Variants in GUSB observed in about 807,000 individuals in gnomAD.
GUSB encodes the protein glucuronidase beta.
A neutral mutation model predicts 74.6 loss-of-function variants in GUSB; 51 were observed. The ratio of observed to expected loss-of-function variants is 0.68; its 90% CI spans 0.55 to 0.86. The LOEUF is 0.86. Among genes scored for constraint, GUSB ranks in the 40% least tolerant of loss-of-function variants. GUSB has a pLI of 0.00. For synonymous variants in GUSB, 360 were observed against 348.3 expected (o/e 1.03, Z -0.37); for missense variants, 736 against 853.7 (o/e 0.86, Z 1.72).
Position 65,964,427 on chromosome 7 carries a change from T to A in GUSB, c.1685A>T (p.Gln562Leu). The change falls in exon 11 of 12, where the codon CAG becomes CTG. Residue 562 changes from glutamine (Q) to leucine (L), a missense_variant. Physicochemically the swap from Gln to Leu is moderately radical, Grantham distance 113. This residue lies in a region of GUSB where 368 missense variants were observed against 489.9 expected (regional missense o/e 0.75). Coordinates refer to ENST00000304895, the MANE Select transcript of GUSB (RefSeq NM_000181.4). ...DPPLMFTEEY[Q>L]KSLLEQYHLG... ...ATGGTACTGCTCTAGCAGACTTTTC[T>A]GGTACTCTTCAGTGAACATCAGAGG... The A allele has an allele frequency of 1.2e-6, 2 of 1,611,352 alleles. No individual in the cohort carries two copies. The highest frequency in any genetic ancestry group is 8.5e-7 in the Non-Finnish European group (1 of 1,179,204).
At chr7:65,966,084 C>T (rs1386466856) in intron 10 of GUSB, among the ~76,000 whole-genome samples, 1 of 151,856 alleles carries the variant, frequency 6.6e-6, no homozygotes, top group Non-Finnish European at 1.5e-5. Flanking sequence ...GCATGAGAAT[C>T]GCTTGAACCA....
intron 9 of GUSB, among the ~76,000 whole-genome samples, chr7:65,969,539 G>T (rs904909033): frequency 6.6e-6 from 1 of 151,796 alleles, no homozygotes; most frequent in Non-Finnish European, 1.5e-5. Context: ...TCTACAAAAA[G>T]ATATAAAATT....
At chr7:65,972,170 G>GT in intron 8 of GUSB, among the ~76,000 whole-genome samples, 1 of 151,890 alleles carries the variant, frequency 6.6e-6, no homozygotes, top group African/African-American at 2.4e-5. Context: ...TTTTGTTTTT[G>GT]TTTTTTTGAG....
chr7:65,976,280 C>T (rs899212988), intron 4 of GUSB, 78 bp from the exon 5 acceptor site: 16 of 951,152 alleles, frequency 1.7e-5, no homozygotes, highest in East Asian at 7.2e-5. Context: ...CTGCAGCCAC[C>T]GCTGCCAGGC....
At chr7:65,964,538 A>G in intron 10 of GUSB, 80 bp from the exon 11 acceptor site, 1 of 1,330,884 alleles carries the variant, frequency 7.5e-7, no homozygotes. Flanking sequence ...GATCCACTTG[A>G]TGGTGACCAA....
chr7:65,975,893 G>A, intron 5 of GUSB, 122 bp downstream of exon 5: 1 of 721,534 alleles, frequency 1.4e-6, no homozygotes, highest in South Asian at 1.8e-5. Flanking sequence ...CCAAGGGTGA[G>A]AAACATCAGA....
At chr7:65,961,937 G>C (rs898137428) in intron 11 of GUSB, among the ~76,000 whole-genome samples, 2 of 151,990 alleles carry the variant, frequency 1.3e-5, no homozygotes, top group Middle Eastern at 3.4e-3. Flanking sequence ...AGGACGCAGA[G>C]GTTGCAGTGA....
chr7:65,982,186 T>C lies in GUSB; in HGVS notation c.-3A>G. The C allele has an allele frequency of 2.0e-6, 3 of 1,506,862 alleles. No homozygotes were observed. The highest frequency in any genetic ancestry group is 2.7e-6 in the Non-Finnish European group (3 of 1,127,638). 93.3% of individuals were successfully genotyped at this position (1,506,862 alleles called of 1,614,324 possible). A position where few individuals can be genotyped will look rare whatever the true frequency, so the allele number is the denominator to read the frequency against. ...GCAACCGCCGACCCCCGGGCCATGC[T>C]TCCCGGTCCCCCGCTCGGCCACCGT... On this transcript the variant is annotated 5_prime_UTR_variant, in exon 1 of 12. Coordinates refer to ENST00000304895, the MANE Select transcript of GUSB (RefSeq NM_000181.4).
rs759880257 is a variant in GUSB, at chr7:65,967,823, G to C, written c.1561C>G (p.Leu521Val). 2 of 1,610,356 alleles carry C rather than the reference G, an allele frequency of 1.2e-6. No individual in the cohort carries two copies. The highest frequency in any genetic ancestry group is 1.7e-6 in the Non-Finnish European group (2 of 1,178,678). The change falls in exon 10 of 12, where the codon CTG becomes GTG. Residue 521 changes from leucine to valine, a missense_variant. This residue lies in a region of GUSB where 368 missense variants were observed against 489.9 expected (regional missense o/e 0.75). Coordinates refer to ENST00000304895, the MANE Select transcript of GUSB (RefSeq NM_000181.4). Reference sequence around the variant, plus strand: ...TACCAGTTCTCAAACTGGGTGGCCAGCTGCAGCTGAATCAACTCCAGGTGC... The same window carrying C: ...TACCAGTTCTCAAACTGGGTGGCCACCTGCAGCTGAATCAACTCCAGGTGC... ...YGHLELIQLQ[L>V]ATQFENWYKK... is the part of the protein sequence containing the mutation.
At position 65,982,203 on chromosome 7, in the gene GUSB, G is replaced by T. The variant is rs577269089; in HGVS notation, c.-20C>A. 8 of 1,493,324 alleles carry T rather than the reference G, an allele frequency of 5.4e-6. No individual in the cohort carries two copies. Among genetic ancestry groups the T allele is most frequent in the South Asian group, 2.5e-5 (2 of 80,500 alleles). 92.5% of individuals were successfully genotyped at this position (1,493,324 alleles called of 1,614,324 possible). A position where few individuals can be genotyped will look rare whatever the true frequency, so the allele number is the denominator to read the frequency against. On this transcript the variant is annotated 5_prime_UTR_variant, in exon 1 of 12. Coordinates refer to ENST00000304895, the MANE Select transcript of GUSB (RefSeq NM_000181.4). ...GGCCATGCTTCCCGGTCCCCCGCTC[G>T]GCCACCGTCTGCGGCGCTAAGAAAA... is the stretch of plus-strand genomic sequence containing the variant.
intron 11 of GUSB, 72 bp downstream of exon 11, chr7:65,964,250 TG>T (rs1790683029): frequency 4.0e-6 from 5 of 1,259,426 alleles, no homozygotes; most frequent in South Asian, 1.2e-5. Context: ...ACAATTGAAA[TG>T]GCCAGAATTG....
chr7:65,966,897 C>T (rs1228839675), intron 10 of GUSB, among the ~76,000 whole-genome samples: 4 of 152,106 alleles, frequency 2.6e-5, no homozygotes, highest in African/African-American at 7.2e-5. Flanking sequence ...GCCTGGACAA[C>T]ATAGCAAGAC....
chr7:65,964,566 G>T (rs1354081911), intron 10 of GUSB, 108 bp from the exon 11 acceptor site: 17 of 976,816 alleles, frequency 1.7e-5, no homozygotes, highest in Non-Finnish European at 2.4e-5. Flanking sequence ...GTCTTCACAG[G>T]GGGCTATAGT....
At position 65,960,762 on chromosome 7, in the gene GUSB, T is replaced by C; in HGVS notation, c.*135A>G. 3 of 772,764 alleles carry C rather than the reference T, an allele frequency of 3.9e-6. No individual in the cohort carries two copies. Among genetic ancestry groups the C allele is most frequent in the Non-Finnish European group, 7.0e-6 (3 of 426,608 alleles). 47.9% of individuals were successfully genotyped at this position (772,764 alleles called of 1,614,324 possible). On this transcript the variant is annotated 3_prime_UTR_variant, in exon 12 of 12. Coordinates refer to ENST00000304895, the MANE Select transcript of GUSB (RefSeq NM_000181.4). ...TATTTCCACCTTTAGTGTTCCCTGC[T>C]AGAATAGATGACCACAAAACCCAGG...
In GUSB at chr7:65,974,621, G is replaced by C; in HGVS notation, c.1149C>G (p.Thr383=). 1 of 1,614,028 alleles carries C rather than the reference G, an allele frequency of 6.2e-7. No individual in the cohort carries two copies. ...LRWLGANAFR[T]SHYPYAEEVM... ...CTTCCTCTGCATAGGGGTAGTGGCTGGTACGGAAAGCGTTGGCACCAAGCC... is the reference window on the plus strand; with the variant it reads ...CTTCCTCTGCATAGGGGTAGTGGCTCGTACGGAAAGCGTTGGCACCAAGCC... The change falls in exon 7 of 12, where the codon ACC becomes ACG. Residue 383 remains threonine (T), a synonymous_variant. Coordinates refer to ENST00000304895, the MANE Select transcript of GUSB (RefSeq NM_000181.4).
In GUSB at chr7:65,975,679, C is replaced by T. The variant is rs1385558803; in HGVS notation, c.912+336G>A. 1.6e-5 allele frequency: 4 copies of T among 242,986 alleles called. No individual in the cohort carries two copies. The South Asian group carries it at 2.4e-4, about 14-fold the overall frequency. The allele number at this position is 242,986 out of a possible 1,614,324, so 15.1% of individuals were successfully genotyped here. A position where few individuals can be genotyped will look rare whatever the true frequency, so the allele number is the denominator to read the frequency against. The stretch of plus-strand genomic sequence containing the variant: ...AGATTACAGGCATGAGTCACTCTGC[C>T]CAGGCTACAAAATTTTTTTTATTTA... On this transcript the variant is annotated intron_variant, in intron 5 of 11. Transcript: ENST00000304895.
intron 5 of GUSB, 123 bp from the exon 6 acceptor site, chr7:65,975,194 C>A (rs1435181623): frequency 2.2e-5 from 18 of 835,746 alleles, no homozygotes; most frequent in Non-Finnish European, 3.2e-5. Flanking sequence ...AGCAGAGATG[C>A]AGCAATCAGA....
intron 10 of GUSB, among the ~76,000 whole-genome samples, chr7:65,967,208 CAGCACTTTGGG>C (rs1315467682): frequency 6.6e-6 from 1 of 152,088 alleles, no homozygotes; most frequent in Non-Finnish European, 1.5e-5. Context: ...CCTGTAATCC[CAGCACTTTGGG>C]AGCCTGAGGC....
intron 1 of GUSB, 32 bp downstream of exon 1, chr7:65,981,941 CG>C: frequency 6.4e-7 from 1 of 1,572,458 alleles, no homozygotes; most frequent in South Asian, 1.1e-5. Context: ...GCCGGGCTTT[CG>C]GGCGCCTCCC....
Sources: allele counts gnomAD v4.1 joint callset (sites outside exome capture counted in the v4.1 genomes callset), GRCh38; gene constraint gnomAD v4.1.1; regional missense constraint gnomAD v4.1.1; transcripts MANE v1.5; gene names NCBI Gene and HGNC (gene_info 2026-07-23, HGNC 2026-07-21).